Variants in OSBP2 observed in about 807,000 individuals in gnomAD.
The protein encoded by OSBP2 is oxysterol binding protein 2.
A neutral mutation model predicts 96.0 loss-of-function variants in OSBP2; 66 were observed. The ratio of observed to expected loss-of-function variants is 0.69; its 90% CI spans 0.56 to 0.84. The LOEUF (loss-of-function observed/expected upper bound fraction) is 0.84. Ranked by LOEUF, OSBP2 falls within the 40% of genes least tolerant of loss-of-function variation. OSBP2 has a pLI of 0.00. For synonymous variants in OSBP2, 525 were observed against 520.9 expected (o/e 1.01, Z -0.11); for missense variants, 1,038 against 1,222.7 (o/e 0.85, Z 2.25).
upstream of OSBP2, chr22:30,694,023 G>A (rs914830653): frequency 5.2e-6 from 8 of 1,542,666 alleles, no homozygotes; most frequent in Non-Finnish European, 7.0e-6. Context: ...ACCATTCTGG[G>A]GTCACAGCCT....
At chr22:30,756,565 C>T (rs544291757) in intron 2 of OSBP2, among the ~76,000 whole-genome samples, 10 of 152,176 alleles carry the variant, frequency 6.6e-5, no homozygotes, top group South Asian at 2.1e-4. Context: ...TGGTGGCGCA[C>T]GCCTGTAGTC....
At chr22:30,865,352 T>G (rs1420222429) in intron 2 of OSBP2, among the ~76,000 whole-genome samples, 1 of 152,096 alleles carries the variant, frequency 6.6e-6, no homozygotes, top group Non-Finnish European at 1.5e-5. Flanking sequence ...TGGCCGGGCA[T>G]GGTGGCTCAC....
At chr22:30,897,159 A>G (rs536351135) in intron 12 of OSBP2, among the ~76,000 whole-genome samples, 183 of 152,376 alleles carry the variant, frequency 1.2e-3, no homozygotes, top group African/African-American at 4.2e-3. Flanking sequence ...TGAGTTAATC[A>G]AAAAGATATA....
chr22:30,744,606 CA>C (rs2089976341), intron 2 of OSBP2, among the ~76,000 whole-genome samples: 1 of 151,986 alleles, frequency 6.6e-6, no homozygotes. Context: ...GCTAAAAATA[CA>C]AAAATTAGCT....
intron 3 of OSBP2, among the ~76,000 whole-genome samples, chr22:30,878,134 G>A (rs2039623082): frequency 6.6e-6 from 1 of 152,228 alleles, no homozygotes; most frequent in South Asian, 2.1e-4. Context: ...GAGGAGGCCA[G>A]TCACAAGGGA....
At chr22:30,810,659 A>T (rs1437584200) in intron 2 of OSBP2, among the ~76,000 whole-genome samples, 1 of 152,198 alleles carries the variant, frequency 6.6e-6, no homozygotes, top group Admixed American at 6.5e-5. Flanking sequence ...ACCTGGTTGC[A>T]GCTGTGTCCA....
At chr22:30,708,457 A>ATATATCTC (rs1473334790) in intron 1 of OSBP2, among the ~76,000 whole-genome samples, 2 of 137,670 alleles carry the variant, frequency 1.5e-5, no homozygotes, top group Non-Finnish European at 3.1e-5. Context: ...CTATTTCAGT[A>ATATATCTC]TATATCTCTA....
chr22:30,705,493 A>T (rs931009613), intron 1 of OSBP2, among the ~76,000 whole-genome samples: 15 of 151,948 alleles, frequency 9.9e-5, no homozygotes, highest in East Asian at 7.7e-4. Context: ...GGGTTTCTCC[A>T]TGTTGGTCAG....
chr22:30,819,441 C>T (rs1602309973), intron 2 of OSBP2, among the ~76,000 whole-genome samples: 1 of 152,298 alleles, frequency 6.6e-6, no homozygotes, highest in African/African-American at 2.4e-5. Context: ...TCAGGGCAGC[C>T]AGTGGAGCTG....
intron 2 of OSBP2, among the ~76,000 whole-genome samples, chr22:30,758,283 T>C (rs1018495080): frequency 3.3e-5 from 5 of 152,024 alleles, no homozygotes; most frequent in Non-Finnish European, 5.9e-5. Context: ...ACGCTTGTAG[T>C]CCAGCTACTG....
At position 30,893,575 on chromosome 22, in the gene OSBP2, C is replaced by A; in HGVS notation, c.2094+9C>A. On this transcript the variant is annotated intron_variant, in intron 10 of 13. Coordinates refer to ENST00000332585, the MANE Select transcript of OSBP2 (RefSeq NM_030758.4). ...AGCTCTGGATCGACCAGGTCAGGGG[C>A]GCCCTTGGGGAGGGGGTGCATGGCC... The A allele has an allele frequency of 6.2e-7, 1 of 1,613,310 alleles. No homozygotes were observed. The highest frequency in any genetic ancestry group is 8.5e-7 in the Non-Finnish European group (1 of 1,179,264).
intron 2 of OSBP2, among the ~76,000 whole-genome samples, chr22:30,797,371 C>T (rs977340241): frequency 6.6e-5 from 10 of 152,024 alleles, no homozygotes; most frequent in African/African-American, 2.4e-4. Flanking sequence ...CAAACTCCGC[C>T]TCCTGGCTTC....
At chr22:30,702,827 G>A (rs945851360) in intron 1 of OSBP2, among the ~76,000 whole-genome samples, 1 of 152,164 alleles carries the variant, frequency 6.6e-6, no homozygotes, top group East Asian at 1.9e-4. Flanking sequence ...GCCAAGTTTG[G>A]CATCTTCTTT....
rs2039858586 is a variant in OSBP2 at position 30,888,165 on chromosome 22, G to A, written c.1301-58G>A. On this transcript the variant is annotated intron_variant, in intron 4 of 13. Transcript: ENST00000332585. Reference sequence around the variant, plus strand: ...GGGGAGCCCTTGGCTCTGGACTTAGGGAGGCGAGATTGAGCCTTTTGTGAG... The same window carrying A: ...GGGGAGCCCTTGGCTCTGGACTTAGAGAGGCGAGATTGAGCCTTTTGTGAG... 1.3e-5 allele frequency: 15 copies of A among 1,149,024 alleles called. No individual in the cohort carries two copies. In the Admixed American group the frequency reaches 2.5e-4, roughly 19 times the overall value. The allele number at this position is 1,149,024 out of a possible 1,614,324, so 71.2% of individuals were successfully genotyped here. A position where few individuals can be genotyped will look rare whatever the true frequency, so the allele number is the denominator to read the frequency against.
chr22:30,863,803 A>T (rs924915239), intron 2 of OSBP2, among the ~76,000 whole-genome samples: 1 of 152,184 alleles, frequency 6.6e-6, no homozygotes, highest in African/African-American at 2.4e-5. Context: ...AGCCTCCGAC[A>T]CAGCAGCCCC....
chr22:30,730,021 C>G (rs987208736), intron 1 of OSBP2, among the ~76,000 whole-genome samples: 2 of 151,804 alleles, frequency 1.3e-5, no homozygotes, highest in Non-Finnish European at 1.5e-5. Context: ...TGCAGTGGCA[C>G]AATCTCGCTC....
chr22:30,875,557 A>G (rs1305640269), intron 3 of OSBP2, among the ~76,000 whole-genome samples: 1 of 152,030 alleles, frequency 6.6e-6, no homozygotes, highest in Non-Finnish European at 1.5e-5. Flanking sequence ...TTTTCAATAG[A>G]GAAGACGTTT....
rs1276990324 is a variant in OSBP2 at position 30,890,079 on chromosome 22, C to T, written c.1623+443C>T. On this transcript the variant is annotated intron_variant, in intron 7 of 13. Coordinates refer to ENST00000332585, the MANE Select transcript of OSBP2 (RefSeq NM_030758.4). The surrounding 1 kb of genome is among the most constrained non-coding windows in gnomAD (Gnocchi z 4.4). Reference sequence around the variant, plus strand: ...TCATGCCACCTGGCTACAGTGGCATCTCCACTAGGCCAGACGGTTCTGCTG... The same window carrying T: ...TCATGCCACCTGGCTACAGTGGCATTTCCACTAGGCCAGACGGTTCTGCTG... Among the ~76,000 whole-genome samples, 3 of 152,218 alleles carry T rather than the reference C, an allele frequency of 2.0e-5. No individual in the cohort carries two copies.
chr22:30,893,503 C>G lies in OSBP2; in HGVS notation c.2031C>G (p.Tyr677Ter). The change falls in exon 10 of 14, where the codon TAC (tyrosine) becomes TAG (stop). Residue 677 changes from tyrosine (Y) to a stop codon, truncating the protein, a stop_gained. Transcript: ENST00000332585. LOFTEE classifies it high-confidence loss of function. ...AATTCCAGGCCAGTGGGAATCACTA[C>G]GTGTGGAGGAAGAGCACCTCAACTG... is the stretch of plus-strand genomic sequence containing the variant. ...HLEFQASGNH[Y>*]VWRKSTSTVH... The G allele has an allele frequency of 6.2e-7, 1 of 1,614,150 alleles. No homozygotes were observed. Among genetic ancestry groups the G allele is most frequent in the Non-Finnish European group, 8.5e-7 (1 of 1,179,998 alleles).
Sources: allele counts gnomAD v4.1 joint callset (sites outside exome capture counted in the v4.1 genomes callset), GRCh38; gene constraint gnomAD v4.1.1; non-coding constraint Gnocchi (gnomAD v3.1); transcripts MANE v1.5; gene names NCBI Gene and HGNC (gene_info 2026-07-23, HGNC 2026-07-21).